The following ATXN10 variants were observed in gnomAD, a reference collection of about 807,000 sequenced individuals.
ATXN10 encodes the protein ataxin 10.
In ATXN10, 28 loss-of-function variants were observed where a neutral mutation model predicts 52.9. The ratio of observed to expected loss-of-function variants is 0.53; its 90% CI spans 0.39 to 0.73. ATXN10 has a LOEUF of 0.73. Among genes scored for constraint, ATXN10 ranks in the 30% least tolerant of loss-of-function variants. The probability of loss-of-function intolerance (pLI) is 0.00; values close to 1 mark genes in which losing one functional copy is unlikely to be tolerated. For synonymous variants in ATXN10, 226 were observed against 221.5 expected (o/e 1.02, Z -0.18); for missense variants, 565 against 577.0 (o/e 0.98, Z 0.21).
chr22:45,721,683 A>G (rs778061323), intron 6 of ATXN10, among the ~76,000 whole-genome samples: 9 of 152,202 alleles, frequency 5.9e-5, no homozygotes, highest in Non-Finnish European at 1.3e-4. Flanking sequence ...TCCAGGTAGC[A>G]TCACCGTTAT....
chr22:45,730,904 C>A (rs1249353102), intron 7 of ATXN10, among the ~76,000 whole-genome samples: 1 of 152,182 alleles, frequency 6.6e-6, no homozygotes, highest in Non-Finnish European at 1.5e-5. Flanking sequence ...TACTTCCAAA[C>A]TGCTTTCTAG....
intron 9 of ATXN10, among the ~76,000 whole-genome samples, chr22:45,797,038 A>G (rs1266905849): frequency 6.6e-6 from 1 of 152,248 alleles, no homozygotes; most frequent in Non-Finnish European, 1.5e-5. Flanking sequence ...AAGACATAAT[A>G]GCCTAAACAT....
In ATXN10 at chr22:45,677,111, C is replaced by G. The variant is rs1025854526; in HGVS notation, c.116+4932C>G. The G allele has an allele frequency of 6.6e-6, 1 of 152,196 alleles. No individual in the cohort carries two copies. Among genetic ancestry groups the G allele is most frequent in the Admixed American group, 6.5e-5 (1 of 15,280 alleles). The allele number at this position is 152,196 out of a possible 1,614,324, so 9.4% of individuals were successfully genotyped here. On this transcript the variant is annotated intron_variant, in intron 1 of 11. Transcript: ENST00000252934. The surrounding 1 kb of genome is among the most constrained non-coding windows in gnomAD (Gnocchi z 4.1). The stretch of plus-strand genomic sequence containing the variant: ...ATAGTGCTCTTCTGTAGTAAGTTTT[C>G]TATAGGGGAGATTGTATTTTGACTC...
At chr22:45,740,727 T>A in intron 9 of ATXN10, 189 bp downstream of exon 9, 1 of 379,836 alleles carries the variant, frequency 2.6e-6, no homozygotes, top group Non-Finnish European at 4.6e-6. Flanking sequence ...CACATATATA[T>A]ACACACACAC....
rs142509774 is a variant in ATXN10 at position 45,787,360 on chromosome 22, C to G, written c.1174-19599C>G. 4.6e-5 allele frequency among the ~76,000 whole-genome samples: 7 copies of G among 152,066 alleles called. No individual in the cohort carries two copies. Among genetic ancestry groups the G allele is most frequent in the Non-Finnish European group, 1.0e-4 (7 of 68,020 alleles). On this transcript the variant is annotated intron_variant, in intron 9 of 11. Transcript: ENST00000252934. The surrounding 1 kb of genome is among the most constrained non-coding windows in gnomAD (Gnocchi z 4.2). The stretch of plus-strand genomic sequence containing the variant: ...TCTCATTGACTCCAAAACTGGAGTT[C>G]GGACCTTTTTCCGTCTACCGCTGTG...
At chr22:45,760,401 A>G (rs1926342336) in intron 9 of ATXN10, 1 of 154,012 alleles carries the variant, frequency 6.5e-6, no homozygotes, top group South Asian at 2.0e-4. Flanking sequence ...ACCATGTGCC[A>G]CTTTCTGTGA....
chr22:45,702,678 T>A lies in ATXN10; in HGVS notation c.489-11T>A. 1.2e-6 allele frequency: 2 copies of A among 1,613,756 alleles called. No homozygotes were observed. Among genetic ancestry groups the A allele is most frequent in the Non-Finnish European group, 1.7e-6 (2 of 1,179,820 alleles). ...AAATTGGGCTAACAATCTCATTTCC[T>A]TGTTTGGAAGGTCTTGCTTAAATCA... On this transcript the variant is annotated splice_polypyrimidine_tract_variant and intron_variant, in intron 4 of 11. Coordinates refer to ENST00000252934, the MANE Select transcript of ATXN10 (RefSeq NM_013236.4).
intron 10 of ATXN10, among the ~76,000 whole-genome samples, chr22:45,808,517 C>G (rs910757659): frequency 6.6e-6 from 1 of 152,210 alleles, no homozygotes; most frequent in African/African-American, 2.4e-5. Flanking sequence ...GATGGCCATC[C>G]GTTCATTCAG....
Position 45,842,191 on chromosome 22 carries a change from C to T in ATXN10, c.1238-800C>T, listed in dbSNP as rs1028658420. Among the ~76,000 whole-genome samples the T allele has an allele frequency of 9.2e-5, 14 of 152,162 alleles. No individual in the cohort carries two copies. The highest frequency in any genetic ancestry group is 3.1e-4 in the African/African-American group (13 of 41,418). ...ACTGGTCCCTGCAGTAGTTTTTGTA[C>T]AGTCCTTTATAGAACTACATATAAT... On this transcript the variant is annotated intron_variant, in intron 10 of 11. Transcript: ENST00000252934. This position sits in a 1 kb window ranked among gnomAD's most constrained non-coding sequence, Gnocchi z 4.8.
At chr22:45,694,610 C>T (rs1923518334) in intron 3 of ATXN10, among the ~76,000 whole-genome samples, 1 of 151,868 alleles carries the variant, frequency 6.6e-6, no homozygotes, top group African/African-American at 2.4e-5. Context: ...GGTGAAACCC[C>T]CTCTCTACTA....
chr22:45,735,325 G>A (rs891834837), intron 7 of ATXN10, among the ~76,000 whole-genome samples: 9 of 150,840 alleles, frequency 6.0e-5, no homozygotes, highest in South Asian at 2.1e-4. Context: ...ACAGGGTCTC[G>A]CCCTGTTCCC....
chr22:45,751,739 G>GAAA (rs1925959977), intron 9 of ATXN10, among the ~76,000 whole-genome samples: 1 of 14,096 alleles, frequency 7.1e-5, no homozygotes, highest in Non-Finnish European at 1.3e-4. Context: ...ACCTTTTTCT[G>GAAA]GAAAAAAAAA....
rs80002793 is a variant in ATXN10 at position 45,794,933 on chromosome 22, G to A, written c.1174-12026G>A. On this transcript the variant is annotated intron_variant, in intron 9 of 11. Coordinates refer to ENST00000252934, the MANE Select transcript of ATXN10 (RefSeq NM_013236.4). Reference sequence around the variant, plus strand: ...TCTCACTTTTAATTTTCTTTGAAATGTAATTGGCTCTTTAAAGTAATCATA... The same window carrying A: ...TCTCACTTTTAATTTTCTTTGAAATATAATTGGCTCTTTAAAGTAATCATA... Among the ~76,000 whole-genome samples, 827 of 152,288 alleles carry A rather than the reference G, an allele frequency of 5.4e-3. 13 individuals carry two copies. Among genetic ancestry groups the A allele is most frequent in the African/African-American group, 0.019 (797 of 41,566 alleles).
rs141091714 is a variant in ATXN10, at chr22:45,837,450, G to A, written c.1238-5541G>A. Among the ~76,000 whole-genome samples the A allele has an allele frequency of 7.5e-3, 1,136 of 152,248 alleles. 12 individuals carry two copies. Among genetic ancestry groups the A allele is most frequent in the African/African-American group, 0.026 (1,088 of 41,538 alleles). On this transcript the variant is annotated intron_variant, in intron 10 of 11. Transcript: ENST00000252934. This position sits in a 1 kb window ranked among gnomAD's most constrained non-coding sequence, Gnocchi z 5.8. ...CTGATTTTTTTGTATATTTAGTAGA[G>A]ATGGGGTTTTACCATGTTGGCCAGG...
rs185783432 is a variant in ATXN10 at position 45,684,074 on chromosome 22, C to T, written c.117-5638C>T. Among the ~76,000 whole-genome samples the T allele has an allele frequency of 2.8e-4, 43 of 152,138 alleles. No homozygotes were observed. The highest frequency in any genetic ancestry group is 5.4e-4 in the Non-Finnish European group (37 of 68,004). On this transcript the variant is annotated intron_variant, in intron 1 of 11. Coordinates refer to ENST00000252934, the MANE Select transcript of ATXN10 (RefSeq NM_013236.4). The surrounding 1 kb of genome is among the most constrained non-coding windows in gnomAD (Gnocchi z 4.1). The stretch of plus-strand genomic sequence containing the variant: ...TCAAGCAGTCCTTCTGCATCAGGCT[C>T]CCAAGTAGCTGGGACTACGAGGCAC...
chr22:45,695,381 A>C (rs1457989515), intron 3 of ATXN10, among the ~76,000 whole-genome samples: 1 of 152,192 alleles, frequency 6.6e-6, no homozygotes, highest in Non-Finnish European at 1.5e-5. Context: ...AATTCAATGA[A>C]TATAACCTTT....
At chr22:45,729,759 C>T in intron 7 of ATXN10, 169 bp downstream of exon 7, 2 of 780,504 alleles carry the variant, frequency 2.6e-6, no homozygotes, top group Non-Finnish European at 4.3e-6. Flanking sequence ...AAACAGTGTC[C>T]TTATTCCTAC....
Position 45,702,848 on chromosome 22 carries a change from G to A in ATXN10, c.647+1G>A, listed in dbSNP as rs764854879. 6 of 1,613,518 alleles carry A rather than the reference G, an allele frequency of 3.7e-6. No homozygotes were observed. The highest frequency in any genetic ancestry group is 3.3e-5 in the South Asian group (3 of 91,060). On this transcript the variant is annotated splice_donor_variant, in intron 5 of 11. Coordinates refer to ENST00000252934, the MANE Select transcript of ATXN10 (RefSeq NM_013236.4). LOFTEE classifies it high-confidence loss of function. Reference sequence around the variant, plus strand: ...AAAAACATCCTGAATCAGAATGGCCGTAAGTATCTTGTTAGAAATTTGATT... The same window carrying A: ...AAAAACATCCTGAATCAGAATGGCCATAAGTATCTTGTTAGAAATTTGATT...
intron 1 of ATXN10, among the ~76,000 whole-genome samples, chr22:45,680,290 C>A (rs981233337): frequency 1.3e-5 from 2 of 152,140 alleles, no homozygotes; most frequent in African/African-American, 4.8e-5. Flanking sequence ...TCATCATCAT[C>A]ATCAATGAGA....
Sources: allele counts gnomAD v4.1 joint callset (sites outside exome capture counted in the v4.1 genomes callset), GRCh38; gene constraint gnomAD v4.1.1; non-coding constraint Gnocchi (gnomAD v3.1); transcripts MANE v1.5; gene names NCBI Gene and HGNC (gene_info 2026-07-23, HGNC 2026-07-21).